Variants in DOCK3 observed in about 807,000 individuals in gnomAD.
The protein encoded by DOCK3 is dedicator of cytokinesis 3.
DOCK3 carries 60 observed loss-of-function variants against 265.6 expected under a neutral mutation model. That is an observed-to-expected ratio of 0.23 (90% confidence interval 0.18 to 0.28). The LOEUF (loss-of-function observed/expected upper bound fraction) is 0.28. DOCK3 is among the 10% of genes least tolerant of loss of function. DOCK3 has a pLI of 1.00. For synonymous variants in DOCK3, 881 were observed against 938.0 expected, an observed-to-expected ratio of 0.94 and a Z score of 1.11; for missense variants, 1,981 against 2,594.3, an observed-to-expected ratio of 0.76 and a Z score of 5.14.
At chr3:51,217,998 A>G (rs1445184716) in intron 14 of DOCK3, among the ~76,000 whole-genome samples, 1 of 151,576 alleles carries the variant, frequency 6.6e-6, no homozygotes, top group Non-Finnish European at 1.5e-5. Context: ...GGCGCCTGTA[A>G]TCCCAGCTAC....
chr3:51,161,086 A>AC (rs1341743902), intron 12 of DOCK3, among the ~76,000 whole-genome samples: 1 of 150,720 alleles, frequency 6.6e-6, no homozygotes, highest in East Asian at 1.9e-4. Context: ...AAAGAAAAAA[A>AC]AAAAAAACAA....
At chr3:50,752,591 A>G (rs562767062) in intron 1 of DOCK3, among the ~76,000 whole-genome samples, 22 of 152,138 alleles carry the variant, frequency 1.4e-4, no homozygotes, top group African/African-American at 5.1e-4. Flanking sequence ...AGCCTGCCCA[A>G]TATAGTGAAA....
At chr3:51,309,632 AGAG>A (rs2082945696) in intron 27 of DOCK3, among the ~76,000 whole-genome samples, 2 of 146,062 alleles carry the variant, frequency 1.4e-5, no homozygotes. Context: ...AGCGAGAGCG[AGAG>A]CGAGAGCGAG....
At chr3:51,378,296 C>T (rs551022174) in intron 51 of DOCK3, among the ~76,000 whole-genome samples, 6 of 152,316 alleles carry the variant, frequency 3.9e-5, no homozygotes, top group African/African-American at 1.4e-4. Context: ...TGCAAGCTCA[C>T]GCCAGTTCCT....
At chr3:50,733,867 A>G (rs777311467) in intron 1 of DOCK3, among the ~76,000 whole-genome samples, 41 of 149,100 alleles carry the variant, frequency 2.7e-4, no homozygotes, top group Non-Finnish European at 4.9e-4. Flanking sequence ...CTTTCTGTTT[A>G]TCATTTATGT....
chr3:51,101,500 G>A (rs574070450), intron 9 of DOCK3, among the ~76,000 whole-genome samples: 2 of 152,312 alleles, frequency 1.3e-5, no homozygotes, highest in South Asian at 4.1e-4. Context: ...ACTTGTGGTA[G>A]AATGATACTC....
At chr3:51,099,561 G>T (rs1471928307) in intron 9 of DOCK3, among the ~76,000 whole-genome samples, 1 of 152,210 alleles carries the variant, frequency 6.6e-6, no homozygotes, top group Non-Finnish European at 1.5e-5. Context: ...AAAATCCTCT[G>T]TGAGGAGAGG....
chr3:51,105,537 G>A (rs190375043), intron 9 of DOCK3, among the ~76,000 whole-genome samples: 3 of 152,224 alleles, frequency 2.0e-5, no homozygotes, highest in Admixed American at 1.3e-4. Flanking sequence ...ATAAATAATT[G>A]TATCTATATA....
chr3:51,050,056 T>G (rs928096194), intron 5 of DOCK3, among the ~76,000 whole-genome samples: 6 of 151,984 alleles, frequency 3.9e-5, no homozygotes, highest in South Asian at 4.1e-4. Context: ...TGACAGAAAT[T>G]TAAACAAATG....
chr3:51,196,411 A>G (rs1171926700), intron 12 of DOCK3, among the ~76,000 whole-genome samples: 1 of 151,988 alleles, frequency 6.6e-6, no homozygotes, highest in African/African-American at 2.4e-5. Flanking sequence ...TTTCCCAGGG[A>G]TTGCTGAGTC....
At chr3:51,272,771 C>T (rs1326450596) in intron 24 of DOCK3, among the ~76,000 whole-genome samples, 3 of 151,880 alleles carry the variant, frequency 2.0e-5, no homozygotes, top group African/African-American at 4.8e-5. Flanking sequence ...GTAAACAGTT[C>T]TCTCTTCTCC....
chr3:50,976,130 G>T (rs1476214550), intron 5 of DOCK3, among the ~76,000 whole-genome samples: 1 of 141,832 alleles, frequency 7.1e-6, no homozygotes, highest in African/African-American at 2.6e-5. Context: ...GGTTTTTTGT[G>T]TCTCTATTTC....
chr3:50,962,783 A>T (rs977266987), intron 5 of DOCK3, among the ~76,000 whole-genome samples: 1 of 152,054 alleles, frequency 6.6e-6, no homozygotes, highest in Non-Finnish European at 1.5e-5. Context: ...AATTCTTTTC[A>T]GTTATGGGTC....
intron 5 of DOCK3, among the ~76,000 whole-genome samples, chr3:51,025,714 G>C (rs1355585763): frequency 6.6e-6 from 1 of 152,184 alleles, no homozygotes; most frequent in Non-Finnish European, 1.5e-5. Flanking sequence ...ACTTCCCCAA[G>C]GGCTCCTGTG....
chr3:50,795,229 AGTAT>A (rs1426543752), intron 2 of DOCK3, among the ~76,000 whole-genome samples: 1 of 152,104 alleles, frequency 6.6e-6, no homozygotes, highest in Non-Finnish European at 1.5e-5. Context: ...CTTCTTGTGA[AGTAT>A]GTTACTGGGG....
intron 5 of DOCK3, among the ~76,000 whole-genome samples, chr3:51,061,536 G>A (rs577784214): frequency 6.6e-6 from 1 of 152,088 alleles, no homozygotes; most frequent in Admixed American, 6.5e-5. Flanking sequence ...CATAGGAAGG[G>A]GAACATCACA....
chr3:51,248,763 G>T (rs1322102014), intron 22 of DOCK3, among the ~76,000 whole-genome samples: 101 of 151,222 alleles, frequency 6.7e-4, no homozygotes, highest in Non-Finnish European at 1.3e-3. Context: ...CCTCTTCCCG[G>T]CCGCCATCAC....
rs2088811465 is a variant in DOCK3 at position 51,383,732 on chromosome 3, A to G, written c.*2173A>G. ...AGTCTGAGGGGAAATGGGAGGCCAG[A>G]GATGAGAACCCTTTGAAAAGATTGT... On this transcript the variant is annotated 3_prime_UTR_variant, in exon 53 of 53. Coordinates refer to ENST00000266037, the MANE Select transcript of DOCK3 (RefSeq NM_004947.5). The G allele has an allele frequency of 1.3e-5, 2 of 152,610 alleles. No individual in the cohort carries two copies. The highest frequency in any genetic ancestry group is 2.1e-4 in the South Asian group (1 of 4,834). The allele number at this position is 152,610 out of a possible 1,614,324, so 9.5% of individuals were successfully genotyped here. A position where few individuals can be genotyped will look rare whatever the true frequency, so the allele number is the denominator to read the frequency against.
chr3:51,373,377 A>G (rs2087836086), intron 49 of DOCK3, among the ~76,000 whole-genome samples: 4 of 152,192 alleles, frequency 2.6e-5, no homozygotes, highest in South Asian at 4.1e-4. Flanking sequence ...GGTTTCAACC[A>G]ATAGAGCCAG....
Sources: allele counts gnomAD v4.1 joint callset (sites outside exome capture counted in the v4.1 genomes callset), GRCh38; gene constraint gnomAD v4.1.1; transcripts MANE v1.5; gene names NCBI Gene and HGNC (gene_info 2026-07-23, HGNC 2026-07-21).